Variants in MCMBP observed in about 807,000 individuals in gnomAD.
MCMBP encodes the protein mini-chromosome maintenance complex-binding protein.
A neutral mutation model predicts 81.3 loss-of-function variants in MCMBP; 31 were observed. The observed-to-expected ratio is 0.38, with a 90% CI of 0.29 to 0.51. MCMBP has a LOEUF of 0.51. MCMBP is among the 20% of genes least tolerant of loss of function. The pLI is 0.87. For synonymous variants in MCMBP, 267 were observed against 275.9 expected (o/e 0.97, Z 0.32); for missense variants, 645 against 772.1 (o/e 0.84, Z 1.95).
chr10:119,833,771 GA>G (rs1852137631), intron 14 of MCMBP, among the ~76,000 whole-genome samples: 1 of 152,030 alleles, frequency 6.6e-6, no homozygotes, highest in Non-Finnish European at 1.5e-5. Context: ...TGTCCCAGAG[GA>G]AACTCAAACA....
chr10:119,870,346 C>A (rs932524734), intron 1 of MCMBP, among the ~76,000 whole-genome samples: 1 of 152,054 alleles, frequency 6.6e-6, no homozygotes, highest in African/African-American at 2.4e-5. Flanking sequence ...ACTCCGGAGG[C>A]TGGGGCAGGA....
At chr10:119,852,922 C>T in intron 6 of MCMBP, 128 bp downstream of exon 6, 1 of 1,171,080 alleles carries the variant, frequency 8.5e-7, no homozygotes, top group Non-Finnish European at 1.2e-6. Flanking sequence ...TAAAAACTCT[C>T]AACATGTCTG....
At chr10:119,855,635 C>T (rs1224639425) in intron 5 of MCMBP, among the ~76,000 whole-genome samples, 2 of 151,810 alleles carry the variant, frequency 1.3e-5, no homozygotes, top group East Asian at 3.9e-4. Context: ...TGTGCCACTG[C>T]ACTCCAGCTT....
chr10:119,842,939 G>A (rs1589781910), intron 9 of MCMBP: 1 of 377,236 alleles, frequency 2.7e-6, no homozygotes, highest in East Asian at 6.5e-5. Context: ...TTTTAGTAGA[G>A]CCAGGGTTTC....
upstream of MCMBP, among the ~76,000 whole-genome samples, chr10:119,873,167 C>T (rs1853777781): frequency 6.6e-6 from 1 of 152,156 alleles, no homozygotes; most frequent in Admixed American, 6.5e-5. Flanking sequence ...AGCTCAGAGA[C>T]CTCAGAGTCA....
intron 8 of MCMBP, among the ~76,000 whole-genome samples, chr10:119,846,731 T>C (rs900637967): frequency 1.3e-5 from 2 of 152,090 alleles, no homozygotes; most frequent in Admixed American, 6.5e-5. Flanking sequence ...AGGAAACAAG[T>C]AACTGGTAAC....
Position 119,830,547 on chromosome 10 carries a change from CT to C in MCMBP, c.*926del. 1 of 152,220 alleles carries C rather than the reference CT, an allele frequency of 6.6e-6. No individual in the cohort carries two copies. Among genetic ancestry groups the C allele is most frequent in the Middle Eastern group, 3.4e-3 (1 of 294 alleles). 9.4% of individuals were successfully genotyped at this position (152,220 alleles called of 1,614,324 possible). A position where few individuals can be genotyped will look rare whatever the true frequency, so the allele number is the denominator to read the frequency against. On this transcript the variant is annotated 3_prime_UTR_variant, in exon 16 of 16. Coordinates refer to ENST00000369077, the MANE Select transcript of MCMBP (RefSeq NM_001256378.2). ...TAAAAACTTTCTAAAGGGGGTATTG[CT>C]TTTTAAGTTTCCTATTTTGTTTTCA...
chr10:119,863,133 C>G (rs1414582839), intron 1 of MCMBP, among the ~76,000 whole-genome samples: 1 of 151,872 alleles, frequency 6.6e-6, no homozygotes, highest in Non-Finnish European at 1.5e-5. Flanking sequence ...TTTTTTTTTA[C>G]AGAACAAAGG....
chr10:119,872,948 G>A (rs995903914), upstream of MCMBP: 2 of 151,860 alleles, frequency 1.3e-5, no homozygotes, highest in East Asian at 3.9e-4. Flanking sequence ...GCGCGGCGAG[G>A]AGGAGGGGCG....
At chr10:119,837,714 T>C (rs781462865) in intron 12 of MCMBP, among the ~76,000 whole-genome samples, 3 of 151,744 alleles carry the variant, frequency 2.0e-5, no homozygotes, top group South Asian at 2.1e-4. Context: ...AACCCGGGAG[T>C]TGGAGGTTGC....
intron 2 of MCMBP, 39 bp from the exon 3 acceptor site, chr10:119,859,220 T>G (rs760107674): frequency 1.3e-6 from 2 of 1,596,302 alleles, no homozygotes; most frequent in Admixed American, 3.4e-5. Flanking sequence ...CTAAATATCC[T>G]GTCTATACAA....
At chr10:119,836,832 A>G (rs558017653) in intron 13 of MCMBP, 64 bp downstream of exon 13, 2 of 1,298,468 alleles carry the variant, frequency 1.5e-6, no homozygotes, top group Admixed American at 2.5e-5. Context: ...GTACCAAGAA[A>G]CAGCAAAAAT....
chr10:119,849,288 C>T, intron 7 of MCMBP, 137 bp downstream of exon 7: 1 of 837,050 alleles, frequency 1.2e-6, no homozygotes, highest in Non-Finnish European at 1.8e-6. Context: ...TAAACTTTTG[C>T]TGCTTTAGGC....
At chr10:119,845,403 T>C (rs1252207603) in intron 8 of MCMBP, among the ~76,000 whole-genome samples, 1 of 152,104 alleles carries the variant, frequency 6.6e-6, no homozygotes, top group African/African-American at 2.4e-5. Context: ...ATTTCCAAGA[T>C]ATGTTGTTAA....
chr10:119,841,789 G>A (rs1019307255), intron 10 of MCMBP, among the ~76,000 whole-genome samples: 7 of 152,356 alleles, frequency 4.6e-5, no homozygotes, highest in African/African-American at 1.4e-4. Flanking sequence ...CAAGGGATGC[G>A]GTGCTAGTGT....
intron 12 of MCMBP, among the ~76,000 whole-genome samples, chr10:119,838,101 T>C (rs1475524915): frequency 1.3e-5 from 2 of 151,814 alleles, no homozygotes; most frequent in Admixed American, 6.6e-5. Context: ...GCTCCAACCA[T>C]TCGCTGACAC....
intron 1 of MCMBP, among the ~76,000 whole-genome samples, chr10:119,865,369 A>G (rs547507721): frequency 2.6e-4 from 39 of 152,152 alleles, no homozygotes; most frequent in African/African-American, 9.2e-4. Flanking sequence ...AGGCAGGCAG[A>G]TTACCTGAGA....
chr10:119,867,608 A>C (rs1781764918), intron 1 of MCMBP, among the ~76,000 whole-genome samples: 1 of 152,136 alleles, frequency 6.6e-6, no homozygotes, highest in Non-Finnish European at 1.5e-5. Flanking sequence ...ATGCCTGAAA[A>C]TAAAGATGCT....
rs1851978801 is a variant in MCMBP, at chr10:119,830,452, C to T, written c.*1022G>A. 1 of 152,144 alleles carries T rather than the reference C, an allele frequency of 6.6e-6. No individual in the cohort carries two copies. The highest frequency in any genetic ancestry group is 6.5e-5 in the Admixed American group (1 of 15,272). 9.4% of individuals were successfully genotyped at this position (152,144 alleles called of 1,614,324 possible). A position where few individuals can be genotyped will look rare whatever the true frequency, so the allele number is the denominator to read the frequency against. ...TTAGCTGATCTAACATACTTGGAAC[C>T]AACTGATGATCCCATAAAAAATGCC... On this transcript the variant is annotated 3_prime_UTR_variant, in exon 16 of 16. Coordinates refer to ENST00000369077, the MANE Select transcript of MCMBP (RefSeq NM_001256378.2).
Sources: gnomAD v4.1 joint callset for allele counts (sites outside exome capture counted in the v4.1 genomes callset) on GRCh38, gnomAD v4.1.1 for gene constraint, MANE v1.5 for transcripts, NCBI Gene and HGNC (gene_info 2026-07-23, HGNC 2026-07-21) for gene names.